The following IZUMO4 variants were observed in gnomAD, a reference collection of about 807,000 sequenced individuals.
The protein encoded by IZUMO4 is izumo sperm-egg fusion protein 4.
Under a neutral mutation model 37.1 loss-of-function variants are expected in IZUMO4, and 51 were observed. The observed-to-expected ratio is 1.38, with a 90% CI of 1.10 to 1.74. IZUMO4 has a LOEUF of 1.74. Among genes scored for constraint, IZUMO4 ranks in the 40% most tolerant of loss-of-function variants. The pLI, the probability that IZUMO4 is intolerant of heterozygous loss-of-function variation, is 0.00. For missense variants in IZUMO4, 364 were observed against 299.6 expected, an observed-to-expected ratio of 1.21 and a Z score of -1.59; for synonymous variants, 162 against 121.4, an observed-to-expected ratio of 1.33 and a Z score of -2.20.
In IZUMO4 at chr19:2,099,040, CAG is replaced by C; in HGVS notation, c.608+15_608+16del. ...AGCCACCCCGGCCTTGTGAGTGACCCAGAGAAGGGAGGCCTCGGGAGAAGGGG... is the reference window on the plus strand; with the variant it reads ...AGCCACCCCGGCCTTGTGAGTGACCCAGAAGGGAGGCCTCGGGAGAAGGGG... On this transcript the variant is annotated intron_variant, in intron 9 of 9. Coordinates refer to ENST00000395301, the MANE Select transcript of IZUMO4 (RefSeq NM_001039846.2). 1 of 1,612,476 alleles carries C rather than the reference CAG, an allele frequency of 6.2e-7. No homozygotes were observed. Among genetic ancestry groups the C allele is most frequent in the South Asian group, 1.1e-5 (1 of 91,076 alleles).
intron 4 of IZUMO4, 34 bp from the exon 5 acceptor site, chr19:2,098,018 A>AG (rs1400486329): frequency 7.4e-6 from 12 of 1,613,182 alleles, no homozygotes; most frequent in Non-Finnish European, 1.0e-5. Context: ...CTGGAGGCTG[A>AG]GGGGAGCCCT....
At chr19:2,097,864 G>A (rs1195944645) in intron 3 of IZUMO4, 65 bp from the exon 4 acceptor site, 2 of 1,596,070 alleles carry the variant, frequency 1.3e-6, no homozygotes, top group African/African-American at 2.7e-5. Context: ...TTGGAGGGTT[G>A]GGAGGAGGCA....
chr19:2,098,002 G>A (rs746081480), intron 4 of IZUMO4, 47 bp downstream of exon 4: 10 of 1,613,130 alleles, frequency 6.2e-6, no homozygotes, highest in South Asian at 1.1e-5. Context: ...GTGGCAGCTC[G>A]GGGCCCTGGA....
At chr19:2,098,243 C>T (rs371556962) in intron 5 of IZUMO4, 44 bp from the exon 6 acceptor site, 3 of 1,612,898 alleles carry the variant, frequency 1.9e-6, no homozygotes, top group Non-Finnish European at 2.5e-6. Flanking sequence ...TAGGGCGGGG[C>T]CGTGGGTTCA....
At position 2,099,509 on chromosome 19, in the gene IZUMO4, G is replaced by A. The variant is rs1376576151; in HGVS notation, c.*164G>A. 23 of 603,908 alleles carry A rather than the reference G, an allele frequency of 3.8e-5. No homozygotes were observed. The Admixed American group carries it at 4.8e-4, about 13-fold the overall frequency. The allele number at this position is 603,908 out of a possible 1,614,324, so 37.4% of individuals were successfully genotyped here. On this transcript the variant is annotated 3_prime_UTR_variant, in exon 10 of 10. Transcript: ENST00000395301. ...GGAGGGCGGGAGGGAGGGAATGGGG[G>A]TGGGCTGTGCGCAGCATCAGCGCCT...
chr19:2,098,551 C>T, intron 7 of IZUMO4, 101 bp downstream of exon 7: 2 of 1,606,540 alleles, frequency 1.2e-6, no homozygotes, highest in Middle Eastern at 1.7e-4. Context: ...CTCCCACGTC[C>T]TAGAGGGGCT....
At chr19:2,098,170 G>C in intron 5 of IZUMO4, 43 bp downstream of exon 5, 1 of 1,611,522 alleles carries the variant, frequency 6.2e-7, no homozygotes, top group East Asian at 2.2e-5. Flanking sequence ...GGGCCCTACT[G>C]TCCCTGGGGT....
chr19:2,097,692 GC>G, intron 3 of IZUMO4, 197 bp downstream of exon 3: 2 of 683,996 alleles, frequency 2.9e-6, no homozygotes, highest in Non-Finnish European at 5.1e-6. Flanking sequence ...CCCCTAAGTA[GC>G]CCCCAGAGGC....
In IZUMO4 at chr19:2,097,323, T is replaced by A; in HGVS notation, c.289T>A (p.Tyr97Asn). ...GGATCAGCTGTACCAGGGGAAGATG[T>A]ACTTCCCCGGTAAGGGGCGCGAAAC... ...MMDQLYQGKM[Y>N]FPGYFPNELR... is the part of the protein sequence containing the mutation. Residue 97 changes from tyrosine to asparagine, a missense_variant, in exon 2 of 10, where the codon TAC becomes AAC. Tyr to Asn is a moderately radical substitution (Grantham distance 143). Transcript: ENST00000395301. 1 of 1,612,338 alleles carries A rather than the reference T, an allele frequency of 6.2e-7. No individual in the cohort carries two copies. The highest frequency in any genetic ancestry group is 8.5e-7 in the Non-Finnish European group (1 of 1,179,514).
chr19:2,097,594 C>A (rs2017744152), intron 3 of IZUMO4, 99 bp downstream of exon 3: 1 of 1,074,394 alleles, frequency 9.3e-7, no homozygotes, highest in Non-Finnish European at 1.4e-6. Context: ...GGGCACCTGG[C>A]ACCAGGCAGC....
In IZUMO4 at chr19:2,097,922, C is replaced by A; in HGVS notation, c.371-7C>A. 1.2e-6 allele frequency: 2 copies of A among 1,612,976 alleles called. No homozygotes were observed. Among genetic ancestry groups the A allele is most frequent in the South Asian group, 1.1e-5 (1 of 91,076 alleles). On this transcript the variant is annotated splice_region_variant and splice_polypyrimidine_tract_variant and intron_variant, in intron 3 of 9. Transcript: ENST00000395301. Reference sequence around the variant, plus strand: ...TGGTAAGATGGCGCTGTCCTGCCCTCCCACAGGCCGCATCGACTGTCAGCA... The same window carrying A: ...TGGTAAGATGGCGCTGTCCTGCCCTACCACAGGCCGCATCGACTGTCAGCA...
chr19:2,098,969 T>A lies in IZUMO4; in HGVS notation c.555-7T>A, dbSNP rs1599423829. The A allele has an allele frequency of 6.2e-7, 1 of 1,612,940 alleles. No homozygotes were observed. The highest frequency in any genetic ancestry group is 1.1e-5 in the South Asian group (1 of 91,082). ...CAACCACACCCATGTGGTGGTTTCA[T>A]GAACAGACCACGCTCCTCTGCCTTC... On this transcript the variant is annotated splice_region_variant and splice_polypyrimidine_tract_variant and intron_variant, in intron 8 of 9. Coordinates refer to ENST00000395301, the MANE Select transcript of IZUMO4 (RefSeq NM_001039846.2).
Position 2,099,309 on chromosome 19 carries a change from C to T in IZUMO4, c.663C>T (p.Thr221=). The change falls in exon 10 of 10, where the codon ACC becomes ACT. Residue 221 remains threonine, a synonymous_variant. Coordinates refer to ENST00000395301, the MANE Select transcript of IZUMO4 (RefSeq NM_001039846.2). The part of the protein sequence containing the change: ...CLEPPHLANL[T]LEDAAECLKQ... ...AGCCCCCACACTTGGCCAACCTGAC[C>T]TTGGAAGATGCTGCTGAGTGTCTCA... is the stretch of plus-strand genomic sequence containing the variant. 1 of 1,613,472 alleles carries T rather than the reference C, an allele frequency of 6.2e-7. No homozygotes were observed. The highest frequency in any genetic ancestry group is 1.1e-5 in the South Asian group (1 of 91,088).
At chr19:2,098,534 C>T in intron 7 of IZUMO4, 84 bp downstream of exon 7, 2 of 1,608,778 alleles carry the variant, frequency 1.2e-6, no homozygotes, top group Non-Finnish European at 1.7e-6. Flanking sequence ...CAGGCTGGCT[C>T]CCTCAGCTCC....
Position 2,099,247 on chromosome 19 carries a change from C to T in IZUMO4, c.609-8C>T. On this transcript the variant is annotated splice_polypyrimidine_tract_variant and splice_region_variant and intron_variant, in intron 9 of 9. Coordinates refer to ENST00000395301, the MANE Select transcript of IZUMO4 (RefSeq NM_001039846.2). ...ATGGAGAGCTGAGGCAGCCTCGTCT[C>T]CCCGCAGCCTGGTATCGCCAGCCTT... The T allele has an allele frequency of 8.1e-6, 13 of 1,611,960 alleles. No homozygotes were observed. The highest frequency in any genetic ancestry group is 1.1e-5 in the Non-Finnish European group (13 of 1,178,666).
chr19:2,097,764 C>A, intron 3 of IZUMO4, 165 bp from the exon 4 acceptor site: 1 of 892,074 alleles, frequency 1.1e-6, no homozygotes, highest in Non-Finnish European at 1.7e-6. Flanking sequence ...GGGGGTCAAC[C>A]TGGGGACCCC....
In IZUMO4 at chr19:2,099,285, G is replaced by GC. The variant is rs1259705931; in HGVS notation, c.644dup (p.His216ThrfsTer12). ...TATCGCCAGCCTTAAGGTGTCTGGAGCCCCCACACTTGGCCAACCTGACCT... is the reference window on the plus strand; with the variant it reads ...TATCGCCAGCCTTAAGGTGTCTGGAGCCCCCCACACTTGGCCAACCTGACCT... On this transcript the variant is annotated frameshift_variant, in exon 10 of 10. Coordinates refer to ENST00000395301, the MANE Select transcript of IZUMO4 (RefSeq NM_001039846.2). LOFTEE classifies it high-confidence loss of function. 2 of 1,612,826 alleles carry GC rather than the reference G, an allele frequency of 1.2e-6. No homozygotes were observed. The highest frequency in any genetic ancestry group is 1.7e-6 in the Non-Finnish European group (2 of 1,179,858).
chr19:2,098,348 T>C lies in IZUMO4; in HGVS notation c.521+14T>C, dbSNP rs373511373. The C allele has an allele frequency of 6.2e-7, 1 of 1,614,024 alleles. No homozygotes were observed. The highest frequency in any genetic ancestry group is 8.5e-7 in the Non-Finnish European group (1 of 1,180,014). ...CCTGAACTACATGTGAGTGGGGTCT[T>C]TGGGTGGCAGCAAGCTCACCTGGGC... On this transcript the variant is annotated intron_variant, in intron 6 of 9. Transcript: ENST00000395301.
chr19:2,097,657 C>A (rs775350214), intron 3 of IZUMO4, 162 bp downstream of exon 3: 18 of 753,362 alleles, frequency 2.4e-5, no homozygotes, highest in Middle Eastern at 2.3e-4. Context: ...CCTGAAGGAT[C>A]AATGCCATCA....
Sources: allele counts gnomAD v4.1 joint callset, GRCh38; gene constraint gnomAD v4.1.1; transcripts MANE v1.5; gene names NCBI Gene and HGNC (gene_info 2026-07-23, HGNC 2026-07-21).